Variants in THUMPD3 observed in about 807,000 individuals in gnomAD.
The protein encoded by THUMPD3 is THUMP domain 3 tRNA guanosine methyltransferase.
Under a neutral mutation model 54.5 loss-of-function variants are expected in THUMPD3, and 44 were observed. The ratio of observed to expected loss-of-function variants is 0.81; its 90% CI spans 0.63 to 1.04. The LOEUF (loss-of-function observed/expected upper bound fraction) is 1.04. THUMPD3 is among the 50% of genes least tolerant of loss of function. THUMPD3 has a pLI of 0.00. For missense variants in THUMPD3, 604 were observed against 601.3 expected (o/e 1.00, Z -0.05); for synonymous variants, 196 against 201.4 (o/e 0.97, Z 0.23).
intron 5 of THUMPD3, among the ~76,000 whole-genome samples, chr3:9,376,479 CA>C (rs1243216458): frequency 6.6e-6 from 1 of 152,146 alleles, no homozygotes; most frequent in Non-Finnish European, 1.5e-5. Context: ...TTGTTTTGGT[CA>C]GATATTCACC....
chr3:9,374,069 C>CA (rs879273348), intron 4 of THUMPD3, among the ~76,000 whole-genome samples: 3 of 152,200 alleles, frequency 2.0e-5, no homozygotes, highest in Admixed American at 2.0e-4. Flanking sequence ...CTTTCCCAGT[C>CA]AGTACCCACT....
At chr3:9,373,794 G>T (rs2032243293) in intron 4 of THUMPD3, among the ~76,000 whole-genome samples, 1 of 152,104 alleles carries the variant, frequency 6.6e-6, no homozygotes, top group South Asian at 2.1e-4. Flanking sequence ...GCTCACTAAA[G>T]CCTTGACCTC....
chr3:9,369,429 A>G (rs1171097640), intron 3 of THUMPD3, among the ~76,000 whole-genome samples: 4 of 151,516 alleles, frequency 2.6e-5, no homozygotes, highest in African/African-American at 7.3e-5. Flanking sequence ...CGGTAATTTT[A>G]TATGATTTTT....
chr3:9,365,540 G>A (rs1354829618), intron 2 of THUMPD3, among the ~76,000 whole-genome samples: 1 of 151,444 alleles, frequency 6.6e-6, no homozygotes, highest in Non-Finnish European at 1.5e-5. Context: ...TTTGGAGGGG[G>A]GTGGGGGGAG....
Position 9,383,306 on chromosome 3 carries a change from A to C in THUMPD3, c.1232A>C (p.Lys411Thr). 6.2e-7 allele frequency: 1 copy of C among 1,604,506 alleles called. No homozygotes were observed. Among genetic ancestry groups the C allele is most frequent in the Non-Finnish European group, 8.5e-7 (1 of 1,171,322 alleles). ...ATTGTAACAGATTTGCCATTTGGAA[A>C]AAGGTGAGAAATACTAGTACCTGCT... is the stretch of plus-strand genomic sequence containing the variant. The part of the protein sequence containing the change: ...DIIVTDLPFG[K>T]RMGSKKRNWN... The change falls in exon 8 of 10, where the codon AAA becomes ACA. Residue 411 changes from lysine to threonine, a missense_variant. Physicochemically the swap from Lys to Thr is moderately conservative, Grantham distance 78. Coordinates refer to ENST00000452837, the MANE Select transcript of THUMPD3 (RefSeq NM_001114092.2).
At chr3:9,381,716 T>G (rs2032912919) in intron 7 of THUMPD3, among the ~76,000 whole-genome samples, 1 of 150,116 alleles carries the variant, frequency 6.7e-6, no homozygotes, top group Non-Finnish European at 1.5e-5. Context: ...CTTCTGAATA[T>G]TTTATCTTGT....
intron 7 of THUMPD3, among the ~76,000 whole-genome samples, chr3:9,381,179 C>T (rs2032858809): frequency 6.6e-6 from 1 of 152,196 alleles, no homozygotes; most frequent in African/African-American, 2.4e-5. Flanking sequence ...AGAGATTCTG[C>T]CGCTTCAGCC....
intron 5 of THUMPD3, 38 bp downstream of exon 5, chr3:9,374,684 C>T (rs753772739): frequency 5.6e-6 from 9 of 1,609,016 alleles, no homozygotes; most frequent in Middle Eastern, 1.7e-4. Context: ...TAAAGTGGCA[C>T]CTTGGTTTGA....
At position 9,363,142 on chromosome 3, in the gene THUMPD3, T is replaced by A. The variant is rs562376933; in HGVS notation, c.-54+15T>A. 4 of 152,412 alleles carry A rather than the reference T, an allele frequency of 2.6e-5. No individual in the cohort carries two copies. The highest frequency in any genetic ancestry group is 9.7e-5 in the African/African-American group (4 of 41,412). The allele number at this position is 152,412 out of a possible 1,614,324, so 9.4% of individuals were successfully genotyped here. On this transcript the variant is annotated intron_variant, in intron 1 of 9. Coordinates refer to ENST00000452837, the MANE Select transcript of THUMPD3 (RefSeq NM_001114092.2). ...GCTGGCGGCCGGTAACTGGCGGCGGTTGGGAACGGCCGAGTGTGGCTCTTC... is the reference window on the plus strand; with the variant it reads ...GCTGGCGGCCGGTAACTGGCGGCGGATGGGAACGGCCGAGTGTGGCTCTTC...
At chr3:9,366,786 T>C (rs2031597679) in intron 2 of THUMPD3, 122 bp from the exon 3 acceptor site, 11 of 724,062 alleles carry the variant, frequency 1.5e-5, no homozygotes, top group African/African-American at 1.8e-5. Context: ...ATTTTAAAAA[T>C]ACAAAATATA....
At position 9,385,611 on chromosome 3, in the gene THUMPD3, C is replaced by T. The variant is rs11547585; in HGVS notation, c.*923C>T. ...AATTATCAAAGGTACTGCAAAAATA[C>T]TGTATAGAACTTATTTGTAAATAGC... On this transcript the variant is annotated 3_prime_UTR_variant, in exon 10 of 10. Coordinates refer to ENST00000452837, the MANE Select transcript of THUMPD3 (RefSeq NM_001114092.2). 3.7e-4 allele frequency: 56 copies of T among 152,206 alleles called. No homozygotes were observed. The highest frequency in any genetic ancestry group is 1.3e-3 in the African/African-American group (52 of 41,446). The allele number at this position is 152,206 out of a possible 1,614,324, so 9.4% of individuals were successfully genotyped here.
At position 9,371,227 on chromosome 3, in the gene THUMPD3, C is replaced by T. The variant is rs1319401697; in HGVS notation, c.498C>T (p.Ile166=). The T allele has an allele frequency of 3.7e-6, 6 of 1,611,002 alleles. No individual in the cohort carries two copies. The highest frequency in any genetic ancestry group is 4.2e-6 in the Non-Finnish European group (5 of 1,179,276). ...EKINNGQEVK[I]DQRNVKKEFT... is the part of the protein sequence containing the mutation. The stretch of plus-strand genomic sequence containing the variant: ...TTAATAATGGACAAGAAGTCAAAAT[C>T]GATCAGAGAAATGTTAAAAAAGAGT... The change falls in exon 4 of 10, where the codon ATC becomes ATT. Residue 166 remains isoleucine (I), a synonymous_variant. Transcript: ENST00000452837.
Position 9,384,617 on chromosome 3 carries a change from A to G in THUMPD3, c.1453A>G (p.Thr485Ala). The stretch of plus-strand genomic sequence containing the variant: ...TGCTGCAGTTTACGTTCTGATACGT[A>G]CACCTCAAGCTTTTGTTCATCCTTC... ...LRAAVYVLIR[T>A]PQAFVHPSEQ... is the part of the protein sequence containing the mutation. The change falls in exon 10 of 10, where the codon ACA (threonine) becomes GCA (alanine). Residue 485 changes from threonine (T) to alanine (A), a missense_variant. Transcript: ENST00000452837. The G allele has an allele frequency of 6.2e-7, 1 of 1,614,222 alleles. No individual in the cohort carries two copies. Among genetic ancestry groups the G allele is most frequent in the South Asian group, 1.1e-5 (1 of 91,084 alleles).
chr3:9,379,366 T>C (rs1195517172), intron 6 of THUMPD3, among the ~76,000 whole-genome samples: 2 of 152,194 alleles, frequency 1.3e-5, no homozygotes, highest in East Asian at 3.8e-4. Flanking sequence ...GGGTATGTTA[T>C]CACCCTCAAG....
At position 9,384,279 on chromosome 3, in the gene THUMPD3, A is replaced by G. The variant is rs375326583; in HGVS notation, c.1303A>G (p.Thr435Ala). ...ACLREMSRVCTPTTGRAVLLT... is the reference protein window; with the variant it reads ...ACLREMSRVCAPTTGRAVLLT... ...CCTACGGGAGATGAGCCGTGTCTGCACACCTACCACAGGCCGAGCTGTACT... is the reference window on the plus strand; with the variant it reads ...CCTACGGGAGATGAGCCGTGTCTGCGCACCTACCACAGGCCGAGCTGTACT... Residue 435 changes from threonine (T) to alanine (A), a missense_variant, in exon 9 of 10, where the codon ACA becomes GCA. Physicochemically the swap from Thr to Ala is moderately conservative, Grantham distance 58. Coordinates refer to ENST00000452837, the MANE Select transcript of THUMPD3 (RefSeq NM_001114092.2). 11 of 1,614,106 alleles carry G rather than the reference A, an allele frequency of 6.8e-6. No individual in the cohort carries two copies. Among genetic ancestry groups the G allele is most frequent in the Non-Finnish European group, 8.5e-6 (10 of 1,180,054 alleles).
chr3:9,369,351 G>T (rs1253401310), intron 3 of THUMPD3, among the ~76,000 whole-genome samples: 8 of 150,402 alleles, frequency 5.3e-5, no homozygotes, highest in Non-Finnish European at 8.9e-5. Flanking sequence ...ATACTCTGAG[G>T]GTGGAACCTA....
intron 5 of THUMPD3, 100 bp from the exon 6 acceptor site, chr3:9,377,716 GGGC>G: frequency 1.2e-6 from 1 of 820,682 alleles, no homozygotes; most frequent in Non-Finnish European, 2.0e-6. Context: ...GTGTTCCTTC[GGGC>G]TAGTGTGGTA....
chr3:9,379,708 T>G (rs552894523), intron 6 of THUMPD3, among the ~76,000 whole-genome samples: 1 of 152,344 alleles, frequency 6.6e-6, no homozygotes, highest in South Asian at 2.1e-4. Flanking sequence ...CTATTATTTT[T>G]TTGACCTGGG....
At position 9,384,728 on chromosome 3, in the gene THUMPD3, G is replaced by A; in HGVS notation, c.*40G>A. 1 of 1,609,098 alleles carries A rather than the reference G, an allele frequency of 6.2e-7. No individual in the cohort carries two copies. The highest frequency in any genetic ancestry group is 1.1e-5 in the South Asian group (1 of 90,788). On this transcript the variant is annotated 3_prime_UTR_variant, in exon 10 of 10. Transcript: ENST00000452837. ...ACTTGTACTTCCCACCACTGGAAATGTTAGCATAAAAGAACTTGGAGAGGA... is the reference window on the plus strand; with the variant it reads ...ACTTGTACTTCCCACCACTGGAAATATTAGCATAAAAGAACTTGGAGAGGA...
Sources: allele counts gnomAD v4.1 joint callset (sites outside exome capture counted in the v4.1 genomes callset), GRCh38; gene constraint gnomAD v4.1.1; transcripts MANE v1.5; gene names NCBI Gene and HGNC (gene_info 2026-07-23, HGNC 2026-07-21).